ENTREP2: variants seen among roughly 807,000 people sequenced by gnomAD.
ENTREP2 encodes endosomal transmembrane epsin interactor 2.
the ENTREP2 span, among the ~76,000 whole-genome samples, chr15:29,148,972 G>C: frequency 1.3e-5 from 2 of 151,936 alleles, no homozygotes; most frequent in Admixed American, 1.3e-4. Context: ...CGCCTCCCAG[G>C]TTCAAGCCAA....
chr15:29,196,589 C>G, the ENTREP2 span: 2 of 1,538,064 alleles, frequency 1.3e-6, no homozygotes, highest in East Asian at 4.9e-5. Context: ...ACAGACAGAC[C>G]TCACCGTTAA....
At chr15:29,317,821 T>TC in the ENTREP2 span, among the ~76,000 whole-genome samples, 4 of 151,390 alleles carry the variant, frequency 2.6e-5, no homozygotes, top group Admixed American at 2.6e-4. Flanking sequence ...CCGACCCGGG[T>TC]GGGATGAAGA....
chr15:29,301,476 T>C, the ENTREP2 span, among the ~76,000 whole-genome samples: 1 of 152,358 alleles, frequency 6.6e-6, no homozygotes, highest in Non-Finnish European at 1.5e-5. Context: ...TTTACGGTAA[T>C]AGGCAGTATA....
chr15:29,153,141 T>C, the ENTREP2 span, among the ~76,000 whole-genome samples: 1 of 123,186 alleles, frequency 8.1e-6, no homozygotes, highest in Admixed American at 7.7e-5. Flanking sequence ...GATTGTAATG[T>C]TTACTTTTTT....
the ENTREP2 span, among the ~76,000 whole-genome samples, chr15:29,484,096 A>G: frequency 6.6e-6 from 1 of 152,218 alleles, no homozygotes; most frequent in African/African-American, 2.4e-5. Context: ...CTCAGAAGGA[A>G]CCAAAAATTT....
chr15:29,548,894 A>G, the ENTREP2 span, among the ~76,000 whole-genome samples: 926 of 152,314 alleles, frequency 6.1e-3, 14 homozygotes, highest in African/African-American at 0.021. Flanking sequence ...ATTAAACTAA[A>G]TTTGGGCTGA....
the ENTREP2 span, among the ~76,000 whole-genome samples, chr15:29,155,387 C>T: frequency 6.6e-6 from 1 of 152,158 alleles, no homozygotes; most frequent in African/African-American, 2.4e-5. Flanking sequence ...ATCCGAGTCC[C>T]TGAATGATGT....
At chr15:29,481,525 C>G in the ENTREP2 span, among the ~76,000 whole-genome samples, 29 of 152,204 alleles carry the variant, frequency 1.9e-4, no homozygotes, top group African/African-American at 6.3e-4. Context: ...CCCTCCACAT[C>G]TGAGATTAGT....
At chr15:29,515,358 C>T in the ENTREP2 span, among the ~76,000 whole-genome samples, 67 of 152,256 alleles carry the variant, frequency 4.4e-4, no homozygotes, top group African/African-American at 1.5e-3. Flanking sequence ...TGTCCCAATT[C>T]GAGAAGAGAG....
the ENTREP2 span, among the ~76,000 whole-genome samples, chr15:29,209,699 G>T: frequency 6.6e-6 from 1 of 152,018 alleles, no homozygotes; most frequent in African/African-American, 2.4e-5. Context: ...TGGAAAGTGC[G>T]GGTCTCACAC....
chr15:29,262,869 G>A, the ENTREP2 span, among the ~76,000 whole-genome samples: 1 of 152,158 alleles, frequency 6.6e-6, no homozygotes, highest in Non-Finnish European at 1.5e-5. Flanking sequence ...CTATCTCCAG[G>A]TAGATAGTGT....
chr15:29,489,973 T>A, the ENTREP2 span, among the ~76,000 whole-genome samples: 1 of 151,752 alleles, frequency 6.6e-6, no homozygotes, highest in South Asian at 2.1e-4. Context: ...AATGAAACTG[T>A]CTCTAAATAG....
the ENTREP2 span, among the ~76,000 whole-genome samples, chr15:29,189,234 C>T: frequency 4.6e-5 from 7 of 152,250 alleles, no homozygotes; most frequent in African/African-American, 1.4e-4. Context: ...GGGCTGAGCC[C>T]TTAACATGTG....
the ENTREP2 span, among the ~76,000 whole-genome samples, chr15:29,449,574 T>A: frequency 7.7e-3 from 1,173 of 152,314 alleles, 16 homozygotes; most frequent in African/African-American, 0.025. Context: ...AACATGTTAG[T>A]CACACTAAAG....
the ENTREP2 span, among the ~76,000 whole-genome samples, chr15:29,654,402 T>C: frequency 6.6e-6 from 1 of 152,308 alleles, no homozygotes; most frequent in African/African-American, 2.4e-5. Context: ...TATTAAACAA[T>C]TAACATTCAT....
the ENTREP2 span, among the ~76,000 whole-genome samples, chr15:29,223,838 G>T: frequency 1.3e-5 from 2 of 152,156 alleles, no homozygotes; most frequent in African/African-American, 4.8e-5. Context: ...CCCAGCAGAC[G>T]AAAAGCAGGC....
At chr15:29,627,712 G>A in the ENTREP2 span, among the ~76,000 whole-genome samples, 1 of 152,048 alleles carries the variant, frequency 6.6e-6, no homozygotes, top group African/African-American at 2.4e-5. Flanking sequence ...GCCAGTCCTA[G>A]GTGCTTCATA....
chr15:29,507,899 G>A, the ENTREP2 span, among the ~76,000 whole-genome samples: 4 of 151,962 alleles, frequency 2.6e-5, no homozygotes, highest in East Asian at 1.9e-4. Flanking sequence ...AAATAACTAA[G>A]ACCAAAGCAG....
chr15:29,257,325 G>A, the ENTREP2 span, among the ~76,000 whole-genome samples: 21 of 152,130 alleles, frequency 1.4e-4, no homozygotes, highest in Non-Finnish European at 2.2e-4. Flanking sequence ...CACCCGCCTC[G>A]GCCTCCCAAA....
Sources: allele counts gnomAD v4.1 joint callset (sites outside exome capture counted in the v4.1 genomes callset), GRCh38; gene constraint gnomAD v4.1.1; transcripts MANE v1.5; gene names NCBI Gene and HGNC (gene_info 2026-07-23, HGNC 2026-07-21).